The following ZFP14 variants were observed in gnomAD, a reference collection of about 807,000 sequenced individuals.
The protein encoded by ZFP14 is ZFP14 zinc finger protein, also known as zinc finger protein 14 homolog.
Under a neutral mutation model 54.5 loss-of-function variants are expected in ZFP14, and 22 were observed. That is an observed-to-expected ratio of 0.40 (90% CI 0.29 to 0.58). The LOEUF (loss-of-function observed/expected upper bound fraction) is 0.58. ZFP14 is among the 20% of genes least tolerant of loss of function. The probability of loss-of-function intolerance (pLI) is 0.39; values close to 1 mark genes in which losing one functional copy is unlikely to be tolerated. For missense variants in ZFP14, 470 were observed against 637.8 expected, an observed-to-expected ratio of 0.74 and a Z score of 2.83; for synonymous variants, 159 against 204.0, an observed-to-expected ratio of 0.78 and a Z score of 1.88.
At chr19:36,370,163 CAAT>C (rs1309790110) in intron 1 of ZFP14, among the ~76,000 whole-genome samples, 1 of 152,110 alleles carries the variant, frequency 6.6e-6, no homozygotes, top group Non-Finnish European at 1.5e-5. Context: ...GGTTGTAGCA[CAAT>C]AATAAGAAAA....
Position 36,335,243 on chromosome 19 carries a change from G to A in ZFP14, c.*4981C>T, listed in dbSNP as rs1263252913. ...AGAAATCTTTTTTTCAAATACCATCGAGAATTAATATTCCTTGAAGCAAAC... is the reference window on the plus strand; with the variant it reads ...AGAAATCTTTTTTTCAAATACCATCAAGAATTAATATTCCTTGAAGCAAAC... On this transcript the variant is annotated 3_prime_UTR_variant, in exon 5 of 5. Transcript: ENST00000270001. The A allele has an allele frequency of 6.6e-6, 1 of 152,026 alleles. No individual in the cohort carries two copies. Among genetic ancestry groups the A allele is most frequent in the Middle Eastern group, 3.2e-3 (1 of 316 alleles). The allele number at this position is 152,026 out of a possible 1,614,324, so 9.4% of individuals were successfully genotyped here. A position where few individuals can be genotyped will look rare whatever the true frequency, so the allele number is the denominator to read the frequency against.
At chr19:36,378,734 C>G (rs947576375) in intron 1 of ZFP14, 4 of 152,194 alleles carry the variant, frequency 2.6e-5, no homozygotes, top group Admixed American at 6.5e-5. Context: ...CGCTAGCGCA[C>G]TTGCTCCCTC....
intron 4 of ZFP14, among the ~76,000 whole-genome samples, chr19:36,357,787 G>C (rs1282715513): frequency 6.6e-6 from 1 of 151,732 alleles, no homozygotes. Context: ...CTGTCACCCA[G>C]GGTGGAGTGC....
At chr19:36,369,121 C>T (rs1445821591) in intron 1 of ZFP14, among the ~76,000 whole-genome samples, 2 of 152,300 alleles carry the variant, frequency 1.3e-5, no homozygotes, top group Middle Eastern at 3.4e-3. Flanking sequence ...GGATTACAGG[C>T]GTGAGCCACC....
At position 36,344,775 on chromosome 19, in the gene ZFP14, G is replaced by C. The variant is rs117193993; in HGVS notation, c.236-3185C>G. ...CACTCCTTATGAGAATCTACTGCCT[G>C]ATTATCTGAGGTGGAACAGTTTCAT... On this transcript the variant is annotated intron_variant, in intron 4 of 4. Transcript: ENST00000270001. Among the ~76,000 whole-genome samples, 382 of 152,260 alleles carry C rather than the reference G, an allele frequency of 2.5e-3. 15 individuals are homozygous for C. The East Asian group carries it at 0.07, about 28-fold the overall frequency.
In ZFP14 at chr19:36,352,596, A is replaced by G. The variant is rs569618179; in HGVS notation, c.235+7839T>C. On this transcript the variant is annotated intron_variant, in intron 4 of 4. Coordinates refer to ENST00000270001, the MANE Select transcript of ZFP14 (RefSeq NM_020917.3). Reference sequence around the variant, plus strand: ...AGAATCCCTTGAGGCCAGGAGTTTTAGAGCAACCTGGCAACACAGTGAGAC... The same window carrying G: ...AGAATCCCTTGAGGCCAGGAGTTTTGGAGCAACCTGGCAACACAGTGAGAC... Among the ~76,000 whole-genome samples, 18 of 142,994 alleles carry G rather than the reference A, an allele frequency of 1.3e-4. 2 individuals are homozygous for G. Among genetic ancestry groups the G allele is most frequent in the African/African-American group, 4.4e-4 (17 of 39,074 alleles). The allele number at this position is 142,994 out of a possible 152,430, so 93.8% of individuals were successfully genotyped here.
Position 36,339,015 on chromosome 19 carries a change from C to G in ZFP14, c.*1209G>C, listed in dbSNP as rs1480283424. On this transcript the variant is annotated 3_prime_UTR_variant, in exon 5 of 5. Transcript: ENST00000270001. ...AATCATTTCCTATTTCCCTCTAATT[C>G]TTCAACAGCTGTATTACTAGTGACC... The G allele has an allele frequency of 6.6e-6, 1 of 152,110 alleles. No individual in the cohort carries two copies. The highest frequency in any genetic ancestry group is 2.4e-5 in the African/African-American group (1 of 41,404). The allele number at this position is 152,110 out of a possible 1,614,324, so 9.4% of individuals were successfully genotyped here.
chr19:36,352,478 G>A (rs1374377651), intron 4 of ZFP14, among the ~76,000 whole-genome samples: 1 of 143,076 alleles, frequency 7.0e-6, no homozygotes, highest in East Asian at 2.1e-4. Flanking sequence ...TTAATGAAAT[G>A]TAGATGCATA....
chr19:36,348,500 T>C (rs1341053965), intron 4 of ZFP14, among the ~76,000 whole-genome samples: 3 of 151,904 alleles, frequency 2.0e-5, no homozygotes, highest in Non-Finnish European at 4.4e-5. Context: ...AGTCAGGATT[T>C]TGTTTGTTTG....
intron 1 of ZFP14, among the ~76,000 whole-genome samples, chr19:36,374,444 C>T (rs985677434): frequency 9.7e-5 from 14 of 143,734 alleles, no homozygotes; most frequent in African/African-American, 2.3e-4. Context: ...GAGCCGATGT[C>T]GTGCCGTTGC....
Position 36,341,074 on chromosome 19 carries a change from G to A in ZFP14, c.752C>T (p.Thr251Met), listed in dbSNP as rs774798809. Residue 251 changes from threonine to methionine, a missense_variant, in exon 5 of 5, where the codon ACG becomes ATG. By Grantham distance (81) the Thr-to-Met change is moderately conservative. Coordinates refer to ENST00000270001, the MANE Select transcript of ZFP14 (RefSeq NM_020917.3). The surrounding 1 kb of genome is among the most constrained non-coding windows in gnomAD (Gnocchi z 4.2). ...CTTACATTCATAGGGTTTTTCACCC[G>A]TATGAAGTCTCTGATGTTGAGTAAG... ...QELTQHQRLH[T>M]GEKPYECKEC... 1.3e-5 allele frequency: 21 copies of A among 1,613,826 alleles called. No homozygotes were observed. Among genetic ancestry groups the A allele is most frequent in the East Asian group, 2.2e-5 (1 of 44,864 alleles).
intron 1 of ZFP14, among the ~76,000 whole-genome samples, chr19:36,374,503 A>G (rs557657163): frequency 1.8e-4 from 27 of 151,860 alleles, no homozygotes; most frequent in South Asian, 1.7e-3. Context: ...AAAAAAAAAA[A>G]AAAAGAAAAG....
chr19:36,355,918 TAG>T (rs1437566854), intron 4 of ZFP14, among the ~76,000 whole-genome samples: 2 of 142,156 alleles, frequency 1.4e-5, no homozygotes, highest in African/African-American at 5.1e-5. Context: ...CAGATTTAAA[TAG>T]AGATGAAACT....
chr19:36,362,008 A>G, intron 3 of ZFP14, 104 bp downstream of exon 3: 1 of 1,397,342 alleles, frequency 7.2e-7, no homozygotes, highest in Non-Finnish European at 9.6e-7. Flanking sequence ...CAAAGCTTAA[A>G]TCATTCCTTT....
intron 3 of ZFP14, 77 bp from the exon 4 acceptor site, chr19:36,360,610 AACT>A: frequency 7.4e-7 from 1 of 1,344,740 alleles, no homozygotes; most frequent in Non-Finnish European, 1.0e-6. Context: ...ATTTATAATT[AACT>A]ACAGATCAAT....
intron 1 of ZFP14, among the ~76,000 whole-genome samples, chr19:36,376,041 GTAATTACCAATATA>G (rs1308408625): frequency 3.3e-5 from 5 of 151,748 alleles, no homozygotes; most frequent in African/African-American, 1.2e-4. Flanking sequence ...GTATACTGTT[GTAATTACCAATATA>G]TGCTTTTATT....
At position 36,341,275 on chromosome 19, in the gene ZFP14, C is replaced by T. The variant is rs751723890; in HGVS notation, c.551G>A (p.Arg184His). 2.1e-5 allele frequency: 34 copies of T among 1,614,014 alleles called. No individual in the cohort carries two copies. The highest frequency in any genetic ancestry group is 1.6e-4 in the Middle Eastern group (1 of 6,084). The change falls in exon 5 of 5, where the codon CGC becomes CAC. Residue 184 changes from arginine (R) to histidine (H), a missense_variant. Arg to His is a conservative substitution (Grantham distance 29). Coordinates refer to ENST00000270001, the MANE Select transcript of ZFP14 (RefSeq NM_020917.3). The surrounding 1 kb of genome is among the most constrained non-coding windows in gnomAD (Gnocchi z 4.2). ...TCTCAGGTGTTGACTAAGTGTTGAGCGACGAATAAAGGTCTTCCTACACTC... is the reference window on the plus strand; with the variant it reads ...TCTCAGGTGTTGACTAAGTGTTGAGTGACGAATAAAGGTCTTCCTACACTC... ...CKECRKTFIR[R>H]STLSQHLRIH...
chr19:36,367,954 A>T lies in ZFP14; in HGVS notation c.-62T>A, dbSNP rs1034141997. ...AGATTTCTCTGTTGGAGAACTATGGAGTCCTGATAAGCCAGAGCTGAAAGA... is the reference window on the plus strand; with the variant it reads ...AGATTTCTCTGTTGGAGAACTATGGTGTCCTGATAAGCCAGAGCTGAAAGA... On this transcript the variant is annotated 5_prime_UTR_variant, in exon 2 of 5. Coordinates refer to ENST00000270001, the MANE Select transcript of ZFP14 (RefSeq NM_020917.3). 5 of 1,566,322 alleles carry T rather than the reference A, an allele frequency of 3.2e-6. No individual in the cohort carries two copies. The African/African-American group carries it at 5.5e-5, about 17-fold the overall frequency.
At chr19:36,372,605 C>T (rs143051321) in intron 1 of ZFP14, among the ~76,000 whole-genome samples, 5 of 152,190 alleles carry the variant, frequency 3.3e-5, no homozygotes, top group African/African-American at 1.2e-4. Flanking sequence ...GTAACCCCAA[C>T]ATTTTGGGAA....
Sources: allele counts gnomAD v4.1 joint callset (sites outside exome capture counted in the v4.1 genomes callset), GRCh38; gene constraint gnomAD v4.1.1; non-coding constraint Gnocchi (gnomAD v3.1); transcripts MANE v1.5; gene names NCBI Gene and HGNC (gene_info 2026-07-23, HGNC 2026-07-21).